PLXNA4: variants seen among roughly 807,000 people sequenced by gnomAD.
PLXNA4 encodes the protein plexin-A4.
Under a neutral mutation model 191.8 loss-of-function variants are expected in PLXNA4, and 44 were observed. The ratio of observed to expected loss-of-function variants is 0.23; its 90% confidence interval spans 0.18 to 0.29. The LOEUF (loss-of-function observed/expected upper bound fraction) is 0.29. Ranked by LOEUF, PLXNA4 falls within the 10% of genes least tolerant of loss-of-function variation. The probability of loss-of-function intolerance (pLI) is 1.00; values close to 1 mark genes in which losing one functional copy is unlikely to be tolerated. For synonymous variants in PLXNA4, 1,082 were observed against 1,009.5 expected, an observed-to-expected ratio of 1.07 and a Z score of -1.36; for missense variants, 1,800 against 2,488.8, an observed-to-expected ratio of 0.72 and a Z score of 5.89.
intron 21 of PLXNA4, 54 bp downstream of exon 21, chr7:132,174,721 TGAA>T: frequency 1.3e-6 from 2 of 1,587,106 alleles, no homozygotes; most frequent in Non-Finnish European, 1.7e-6. Flanking sequence ...GGGCTGGACT[TGAA>T]GATTGCCAAC....
intron 28 of PLXNA4, among the ~76,000 whole-genome samples, chr7:132,146,030 A>G (rs1795419884): frequency 7.0e-6 from 1 of 143,506 alleles, no homozygotes; most frequent in East Asian, 2.2e-4. Flanking sequence ...CAGTGAGCAG[A>G]GATTGCACCA....
chr7:132,321,662 G>A (rs567188015), intron 3 of PLXNA4, among the ~76,000 whole-genome samples: 25 of 152,348 alleles, frequency 1.6e-4, no homozygotes, highest in African/African-American at 5.5e-4. Context: ...CCAGGCAGGA[G>A]GGAGCCCCGG....
intron 3 of PLXNA4, among the ~76,000 whole-genome samples, chr7:132,352,025 G>A (rs1421253090): frequency 1.3e-5 from 2 of 152,140 alleles, no homozygotes; most frequent in African/African-American, 4.8e-5. Context: ...GACTATATTA[G>A]GATTGGCATA....
chr7:132,151,309 A>AGGAAGGAGGAGGAGGAGGAG (rs1562884870), intron 25 of PLXNA4, among the ~76,000 whole-genome samples: 1 of 22,526 alleles, frequency 4.4e-5, no homozygotes, highest in African/African-American at 1.2e-4. Context: ...AGGAGGAGGA[A>AGGAAGGAGGAGGAGGAGGAG]GAAGGAGGAG....
At chr7:132,174,944 G>A (rs1381068414) in intron 20 of PLXNA4, 24 bp from the exon 21 acceptor site, 1 of 1,612,768 alleles carries the variant, frequency 6.2e-7, no homozygotes, top group Non-Finnish European at 8.5e-7. Flanking sequence ...AAGCCTGTGA[G>A]ATGGCTGGAT....
chr7:132,259,729 C>G (rs2116231111), intron 4 of PLXNA4, among the ~76,000 whole-genome samples: 1 of 152,162 alleles, frequency 6.6e-6, no homozygotes. Flanking sequence ...AACAAGGTGC[C>G]CTTCAGTAGG....
At chr7:132,172,255 A>G (rs891145086) in intron 21 of PLXNA4, among the ~76,000 whole-genome samples, 2 of 152,220 alleles carry the variant, frequency 1.3e-5, no homozygotes, top group African/African-American at 2.4e-5. Flanking sequence ...TTGTAACCCA[A>G]TAGGTTAGAG....
At chr7:132,527,849 G>C (rs1312306361) in intron 1 of PLXNA4, among the ~76,000 whole-genome samples, 20 of 152,146 alleles carry the variant, frequency 1.3e-4, no homozygotes, top group Admixed American at 1.3e-3. Flanking sequence ...AGCCCTGAGA[G>C]GTAACTGATA....
At chr7:132,647,485 ATT>A (rs1355555512) in intron 1 of PLXNA4, among the ~76,000 whole-genome samples, 1 of 152,118 alleles carries the variant, frequency 6.6e-6, no homozygotes, top group East Asian at 1.9e-4. Context: ...TCACATGTAT[ATT>A]CATGAACACA....
chr7:132,146,781 G>A (rs1795448652), intron 27 of PLXNA4, 81 bp from the exon 28 acceptor site: 13 of 1,568,830 alleles, frequency 8.3e-6, no homozygotes, highest in South Asian at 4.8e-5. Flanking sequence ...CCCTTGCTCC[G>A]GCAGAAGCCA....
intron 3 of PLXNA4, among the ~76,000 whole-genome samples, chr7:132,326,746 C>T (rs1802376318): frequency 6.6e-6 from 1 of 152,162 alleles, no homozygotes; most frequent in Admixed American, 6.5e-5. Flanking sequence ...TTTTATATAA[C>T]ACAACCTGAA....
At chr7:132,430,909 C>T (rs895333656) in intron 3 of PLXNA4, among the ~76,000 whole-genome samples, 4 of 152,128 alleles carry the variant, frequency 2.6e-5, no homozygotes, top group South Asian at 2.1e-4. Context: ...TCGGCCACAC[C>T]GCTGGGTGAA....
intron 3 of PLXNA4, among the ~76,000 whole-genome samples, chr7:132,465,743 A>G (rs1796676602): frequency 6.6e-6 from 1 of 152,172 alleles, no homozygotes; most frequent in Non-Finnish European, 1.5e-5. Context: ...TGTTATCACA[A>G]ACTTGGAAGG....
At chr7:132,407,595 A>G (rs550364341) in intron 3 of PLXNA4, among the ~76,000 whole-genome samples, 2 of 152,106 alleles carry the variant, frequency 1.3e-5, no homozygotes, top group Non-Finnish European at 2.9e-5. Flanking sequence ...CTGGAAACCA[A>G]CCTACTTTGT....
chr7:132,175,537 G>T (rs1796429163), intron 20 of PLXNA4, among the ~76,000 whole-genome samples: 1 of 152,294 alleles, frequency 6.6e-6, no homozygotes, highest in Admixed American at 6.5e-5. Flanking sequence ...CTTCCTCAAG[G>T]TGATGCTACT....
In PLXNA4 at chr7:132,597,576, TATTCATTC is replaced by T. The variant is rs10573562; in HGVS notation, c.-87+48344_-87+48351del. Among the ~76,000 whole-genome samples, 447 of 149,996 alleles carry T rather than the reference TATTCATTC, an allele frequency of 3.0e-3. 1 individual carries two copies. The highest frequency in any genetic ancestry group is 4.7e-3 in the South Asian group (22 of 4,680). ...CAATCATGCATCGTCTCTCTCCTTT[TATTCATTC>T]ATTCATTCATTCATTCATTCATTCA... On this transcript the variant is annotated intron_variant, in intron 2 of 4. Transcript: ENST00000378539.
At chr7:132,279,344 C>T (rs967824754) in intron 4 of PLXNA4, among the ~76,000 whole-genome samples, 2 of 152,144 alleles carry the variant, frequency 1.3e-5, no homozygotes, top group African/African-American at 2.4e-5. Flanking sequence ...ATCTGCTCTA[C>T]ACATGAGAAA....
chr7:132,481,433 G>A (rs1030403078), intron 3 of PLXNA4, among the ~76,000 whole-genome samples: 4 of 151,942 alleles, frequency 2.6e-5, no homozygotes, highest in Non-Finnish European at 2.9e-5. Context: ...GGACAACCTC[G>A]GATTAGACCG....
chr7:132,446,547 T>A (rs1443923576), intron 3 of PLXNA4, among the ~76,000 whole-genome samples: 1 of 152,170 alleles, frequency 6.6e-6, no homozygotes, highest in Admixed American at 6.5e-5. Context: ...TCTGACTCTA[T>A]CTCTCTTAGC....
Sources: gnomAD v4.1 joint callset for allele counts (sites outside exome capture counted in the v4.1 genomes callset) on GRCh38, gnomAD v4.1.1 for gene constraint, MANE v1.5 for transcripts, NCBI Gene and HGNC (gene_info 2026-07-23, HGNC 2026-07-21) for gene names.